B4GALNT3: variants seen among roughly 807,000 people sequenced by gnomAD.
B4GALNT3 encodes the protein beta-1,4-N-acetyl-galactosaminyltransferase 3, also known as beta-1,4-N-acetylgalactosaminyltransferase 3.
In B4GALNT3, 86 loss-of-function variants were observed where a neutral mutation model predicts 120.2. The observed-to-expected ratio is 0.72, with a 90% CI of 0.60 to 0.86. B4GALNT3 has a LOEUF of 0.86. B4GALNT3 is among the 40% of genes least tolerant of loss of function. B4GALNT3 has a pLI of 0.00. For missense variants in B4GALNT3, 1,167 were observed against 1,298.9 expected (o/e 0.90, Z 1.56); for synonymous variants, 518 against 510.4 (o/e 1.01, Z -0.20).
Position 544,948 on chromosome 12 carries a change from G to A in B4GALNT3, c.514G>A (p.Gly172Ser). 2 of 1,613,926 alleles carry A rather than the reference G, an allele frequency of 1.2e-6. No homozygotes were observed. Among genetic ancestry groups the A allele is most frequent in the African/African-American group, 2.7e-5 (2 of 74,992 alleles). Residue 172 changes from glycine to serine, a missense_variant, in exon 5 of 20, where the codon GGC (glycine) becomes AGC (serine). Gly to Ser is a moderately conservative substitution (Grantham distance 56, BLOSUM62 0). Coordinates refer to ENST00000266383, the MANE Select transcript of B4GALNT3 (RefSeq NM_173593.4). ...KWTNYGLRIF[G>S]YLHPFTDGKI... is the part of the protein sequence containing the mutation. ...GACCAACTATGGCCTCCGCATCTTT[G>A]GCTACCTGCACCCCTTTACTGATGG...
Position 505,688 on chromosome 12 carries a change from G to C in B4GALNT3, c.170-29478G>C, listed in dbSNP as rs75706032. ...CCCTGCCACACTTCATTGTCATGGG[G>C]GAGAGTGTCCTGAAGACCCTTGTTT... On this transcript the variant is annotated intron_variant, in intron 1 of 19. Coordinates refer to ENST00000266383, the MANE Select transcript of B4GALNT3 (RefSeq NM_173593.4). Among the ~76,000 whole-genome samples the C allele has an allele frequency of 8.7e-4, 133 of 152,298 alleles. 4 individuals are homozygous for C. In the East Asian group the frequency reaches 0.02, roughly 23 times the overall value.
At chr12:472,910 G>A (rs1221835137) in intron 1 of B4GALNT3, among the ~76,000 whole-genome samples, 2 of 152,048 alleles carry the variant, frequency 1.3e-5, no homozygotes, top group African/African-American at 4.8e-5. Context: ...TTTAAAGCAG[G>A]AGTTTGATAT....
At chr12:531,473 AC>A (rs1323596755) in intron 1 of B4GALNT3, among the ~76,000 whole-genome samples, 3 of 151,358 alleles carry the variant, frequency 2.0e-5, no homozygotes, top group African/African-American at 7.3e-5. Context: ...ACATAGAAAG[AC>A]CCCATCTCTA....
Position 556,537 on chromosome 12 carries a change from T to C in B4GALNT3, c.2061-10T>C, listed in dbSNP as rs1947157949. 1.2e-6 allele frequency: 2 copies of C among 1,604,168 alleles called. No individual in the cohort carries two copies. Among genetic ancestry groups the C allele is most frequent in the African/African-American group, 2.7e-5 (2 of 74,802 alleles). On this transcript the variant is annotated splice_polypyrimidine_tract_variant and intron_variant, in intron 14 of 19. Coordinates refer to ENST00000266383, the MANE Select transcript of B4GALNT3 (RefSeq NM_173593.4). The stretch of plus-strand genomic sequence containing the variant: ...GGAACCACTCAGCCTCCCCACACTT[T>C]CTGCCATAGGAGGTACCAGCTACAG...
At chr12:501,903 A>C (rs768486014) in intron 1 of B4GALNT3, among the ~76,000 whole-genome samples, 3 of 152,190 alleles carry the variant, frequency 2.0e-5, no homozygotes, top group Non-Finnish European at 4.4e-5. Flanking sequence ...TACTGTACTT[A>C]CGGCAGGTGC....
At chr12:547,427 G>A (rs1018236557) in intron 7 of B4GALNT3, among the ~76,000 whole-genome samples, 3 of 152,134 alleles carry the variant, frequency 2.0e-5, no homozygotes, top group Non-Finnish European at 2.9e-5. Flanking sequence ...CTCATCCTAC[G>A]CATGCAACAG....
chr12:562,339 A>G lies in B4GALNT3; in HGVS notation c.*888A>G, dbSNP rs1414798003. On this transcript the variant is annotated 3_prime_UTR_variant, in exon 20 of 20. Coordinates refer to ENST00000266383, the MANE Select transcript of B4GALNT3 (RefSeq NM_173593.4). This position sits in a 1 kb window ranked among gnomAD's most constrained non-coding sequence, Gnocchi z 5.2. ...GAAGAGGTAAAGAGGATGTGGACAT[A>G]TCTGTCAATTTCCTTAGGCAAGAAG... The G allele has an allele frequency of 6.6e-6, 1 of 152,482 alleles. No homozygotes were observed. The highest frequency in any genetic ancestry group is 1.5e-5 in the Non-Finnish European group (1 of 68,228). 9.4% of individuals were successfully genotyped at this position (152,482 alleles called of 1,614,324 possible).
At chr12:537,114 A>G (rs145000055) in intron 3 of B4GALNT3, among the ~76,000 whole-genome samples, 4 of 152,296 alleles carry the variant, frequency 2.6e-5, no homozygotes, top group South Asian at 4.1e-4. Flanking sequence ...TGAAATGCCT[A>G]TTATACTCTA....
At chr12:510,446 G>GT (rs1172300947) in intron 1 of B4GALNT3, among the ~76,000 whole-genome samples, 1 of 150,850 alleles carries the variant, frequency 6.6e-6, no homozygotes, top group Non-Finnish European at 1.5e-5. Flanking sequence ...ACACTCCATG[G>GT]GGGGGTTGGA....
Position 562,709 on chromosome 12 carries a change from C to T in B4GALNT3, c.*1258C>T, listed in dbSNP as rs1947244517. ...CTTTCTGTCACCTGGAGACCTTGTA[C>T]TTCTCTTGCACTAATAACCCCGGTG... On this transcript the variant is annotated 3_prime_UTR_variant, in exon 20 of 20. Coordinates refer to ENST00000266383, the MANE Select transcript of B4GALNT3 (RefSeq NM_173593.4). The surrounding 1 kb of genome is among the most constrained non-coding windows in gnomAD (Gnocchi z 5.2). 6.6e-6 allele frequency: 1 copy of T among 152,434 alleles called. No homozygotes were observed. 9.4% of individuals were successfully genotyped at this position (152,434 alleles called of 1,614,324 possible). A position where few individuals can be genotyped will look rare whatever the true frequency, so the allele number is the denominator to read the frequency against.
intron 16 of B4GALNT3, 35 bp downstream of exon 16, chr12:557,796 C>G: frequency 6.3e-7 from 1 of 1,578,372 alleles, no homozygotes; most frequent in South Asian, 1.2e-5. Context: ...GTGGCATGGG[C>G]CACGTCCATC....
chr12:511,780 TTCCACCTTCCACCTTCC>T (rs1205274641), intron 1 of B4GALNT3, among the ~76,000 whole-genome samples: 6 of 72,548 alleles, frequency 8.3e-5, no homozygotes, highest in African/African-American at 3.0e-4. Context: ...TTCCACCTTC[TTCCACCTTCCACCTTCC>T]ACCTTCTTCC....
chr12:531,425 A>G (rs1172226777), intron 1 of B4GALNT3, among the ~76,000 whole-genome samples: 4 of 152,114 alleles, frequency 2.6e-5, no homozygotes, highest in Admixed American at 2.6e-4. Context: ...GAAGTGGGAG[A>G]ATCACTTGAT....
rs566537851 is a variant in B4GALNT3 at position 496,923 on chromosome 12, G to T, written c.169+36378G>T. On this transcript the variant is annotated intron_variant, in intron 1 of 19. Coordinates refer to ENST00000266383, the MANE Select transcript of B4GALNT3 (RefSeq NM_173593.4). Reference sequence around the variant, plus strand: ...GACAGGGTCTTGCTCTGCCGCCCAGGCTGGAGTGCAGTACAGATCACGGCT... The same window carrying T: ...GACAGGGTCTTGCTCTGCCGCCCAGTCTGGAGTGCAGTACAGATCACGGCT... 7.2e-5 allele frequency among the ~76,000 whole-genome samples: 11 copies of T among 152,316 alleles called. No individual in the cohort carries two copies. The South Asian group carries it at 2.3e-3, about 32-fold the overall frequency.
intron 1 of B4GALNT3, among the ~76,000 whole-genome samples, chr12:524,735 C>G (rs1035828181): frequency 2.6e-5 from 4 of 152,130 alleles, no homozygotes; most frequent in African/African-American, 9.7e-5. Flanking sequence ...TATGCACTCT[C>G]CTTACCAGTC....
chr12:528,954 T>A (rs1946781656), intron 1 of B4GALNT3, among the ~76,000 whole-genome samples: 1 of 152,228 alleles, frequency 6.6e-6, no homozygotes, highest in Non-Finnish European at 1.5e-5. Flanking sequence ...GAGTGTCTGG[T>A]GACAGTTCTG....
At position 552,063 on chromosome 12, in the gene B4GALNT3, G is replaced by A; in HGVS notation, c.1108G>A (p.Val370Ile). Residue 370 changes from valine (V) to isoleucine (I), a missense_variant and splice_region_variant, in exon 12 of 20, where the codon GTT (valine) becomes ATT (isoleucine). Val to Ile is a conservative substitution (Grantham distance 29, BLOSUM62 3). Around this residue, in one of 3 missense-constraint regions of B4GALNT3, gnomAD observed 983 missense variants for 1,102.5 expected, o/e 0.89. Transcript: ENST00000266383. ...CTGCTGCTGATTTTTCCACTTCCAG[G>A]TTCATCTGTCTTTTGTTTACCCCAA... ...PLQRYQGLRFVHLSFVYPNDY... is the reference protein window; with the variant it reads ...PLQRYQGLRFIHLSFVYPNDY... 1 of 1,598,698 alleles carries A rather than the reference G, an allele frequency of 6.3e-7. No individual in the cohort carries two copies. Among genetic ancestry groups the A allele is most frequent in the Non-Finnish European group, 8.6e-7 (1 of 1,166,214 alleles).
intron 1 of B4GALNT3, among the ~76,000 whole-genome samples, chr12:511,576 T>TC (rs1946561969): frequency 4.4e-5 from 2 of 45,892 alleles, no homozygotes; most frequent in South Asian, 9.3e-4. Context: ...CCTTCGACCT[T>TC]CTTCCACCTT....
In B4GALNT3 at chr12:553,979, C is replaced by T. The variant is rs547865214; in HGVS notation, c.2056C>T (p.Arg686Trp). ...VFLKKLNQRSRGRYQLQRIVN... is the reference protein window; with the variant it reads ...VFLKKLNQRSWGRYQLQRIVN... Reference sequence around the variant, plus strand: ...CTTGAAGAAGCTCAACCAGAGGAGCCGGGGGTAAGGTAAAGGGCTCTCCTG... The same window carrying T: ...CTTGAAGAAGCTCAACCAGAGGAGCTGGGGGTAAGGTAAAGGGCTCTCCTG... The change falls in exon 14 of 20, where the codon CGG (arginine) becomes TGG (tryptophan). Residue 686 changes from arginine to tryptophan, a missense_variant. Coordinates refer to ENST00000266383, the MANE Select transcript of B4GALNT3 (RefSeq NM_173593.4). 36 of 1,609,844 alleles carry T rather than the reference C, an allele frequency of 2.2e-5. No individual in the cohort carries two copies. Among genetic ancestry groups the T allele is most frequent in the East Asian group, 4.5e-5 (2 of 44,848 alleles).
Sources: gnomAD v4.1 joint callset for allele counts (sites outside exome capture counted in the v4.1 genomes callset) on GRCh38, gnomAD v4.1.1 for gene constraint, gnomAD v4.1.1 regional missense constraint, Gnocchi (gnomAD v3.1) non-coding constraint, MANE v1.5 for transcripts, NCBI Gene and HGNC (gene_info 2026-07-23, HGNC 2026-07-21) for gene names.